The following TANGO6 variants were observed in gnomAD, a reference collection of about 807,000 sequenced individuals.
TANGO6 encodes the protein transport and golgi organization 6 homolog.
Under a neutral mutation model 114.2 loss-of-function variants are expected in TANGO6, and 90 were observed. The observed-to-expected ratio is 0.79, with a 90% confidence interval of 0.66 to 0.94. The LOEUF is 0.94. Among genes scored for constraint, TANGO6 ranks in the 40% least tolerant of loss-of-function variants. The pLI, the probability that TANGO6 is intolerant of heterozygous loss-of-function variation, is 0.00. For missense variants in TANGO6, 1,274 were observed against 1,315.3 expected (o/e 0.97, Z 0.49); for synonymous variants, 477 against 509.8 (o/e 0.94, Z 0.87).
At chr16:68,941,019 G>A (rs1963347790) in intron 14 of TANGO6, among the ~76,000 whole-genome samples, 1 of 152,084 alleles carries the variant, frequency 6.6e-6, no homozygotes, top group African/African-American at 2.4e-5. Flanking sequence ...TATAAGGCTG[G>A]GAACCCTTGA....
intron 12 of TANGO6, among the ~76,000 whole-genome samples, chr16:68,921,718 C>T (rs1009710304): frequency 3.3e-5 from 5 of 150,860 alleles, no homozygotes; most frequent in African/African-American, 4.9e-5. Flanking sequence ...TCTAGAAGCC[C>T]ATTGTTGGAG....
intron 12 of TANGO6, among the ~76,000 whole-genome samples, chr16:68,927,333 T>A (rs182339385): frequency 6.6e-6 from 1 of 152,110 alleles, no homozygotes; most frequent in East Asian, 1.9e-4. Context: ...GATATGAATG[T>A]GTGTGTGTGT....
chr16:68,950,227 T>C (rs574723728), intron 14 of TANGO6, among the ~76,000 whole-genome samples: 1 of 152,178 alleles, frequency 6.6e-6, no homozygotes, highest in Non-Finnish European at 1.5e-5. Flanking sequence ...TGGGGATTAT[T>C]GCACAGCCTG....
At chr16:69,027,661 T>C (rs1286990426) in intron 16 of TANGO6, among the ~76,000 whole-genome samples, 1 of 152,202 alleles carries the variant, frequency 6.6e-6, no homozygotes, top group Non-Finnish European at 1.5e-5. Context: ...GGTCAGATAC[T>C]GAAATGATTC....
chr16:69,078,837 G>A (rs972641596), intron 17 of TANGO6, among the ~76,000 whole-genome samples: 3 of 152,002 alleles, frequency 2.0e-5, no homozygotes, highest in African/African-American at 7.2e-5. Context: ...CAGCTCCTTG[G>A]TTCCAGTGAT....
At chr16:68,995,181 G>A (rs1245717568) in intron 15 of TANGO6, among the ~76,000 whole-genome samples, 2 of 152,114 alleles carry the variant, frequency 1.3e-5, no homozygotes, top group African/African-American at 2.4e-5. Context: ...TGTGGTCTGT[G>A]TGTGACTGGA....
At chr16:69,045,149 CTTG>C (rs1959831754) in intron 17 of TANGO6, among the ~76,000 whole-genome samples, 19 of 108,210 alleles carry the variant, frequency 1.8e-4, no homozygotes, top group East Asian at 7.0e-4. Context: ...GAGGGAGACT[CTTG>C]TCTCAAAAAA....
At chr16:69,078,783 G>T (rs1008671773) in intron 17 of TANGO6, among the ~76,000 whole-genome samples, 1 of 151,744 alleles carries the variant, frequency 6.6e-6, no homozygotes. Flanking sequence ...GCTCTGTCAC[G>T]CATGCTGGAG....
chr16:69,005,131 A>G (rs1247854401), intron 15 of TANGO6, among the ~76,000 whole-genome samples: 1 of 152,148 alleles, frequency 6.6e-6, no homozygotes, highest in Non-Finnish European at 1.5e-5. Flanking sequence ...TGGGGGCCAC[A>G]GTACAACATG....
intron 17 of TANGO6, among the ~76,000 whole-genome samples, chr16:69,057,703 C>T (rs1303557548): frequency 6.6e-6 from 1 of 152,134 alleles, no homozygotes; most frequent in African/African-American, 2.4e-5. Flanking sequence ...GGAAAAGAGG[C>T]CAGACCACAT....
At chr16:68,881,760 C>T (rs1216447455) in intron 7 of TANGO6, among the ~76,000 whole-genome samples, 1 of 152,240 alleles carries the variant, frequency 6.6e-6, no homozygotes, top group East Asian at 1.9e-4. Flanking sequence ...TCTTTATTAT[C>T]ACAGCCTTAT....
intron 14 of TANGO6, among the ~76,000 whole-genome samples, chr16:68,957,926 C>T (rs1963549905): frequency 1.3e-5 from 2 of 152,082 alleles, no homozygotes; most frequent in South Asian, 4.1e-4. Context: ...AATCCCAACA[C>T]TTTGATAGGC....
chr16:69,021,281 C>T (rs748258250), intron 15 of TANGO6, among the ~76,000 whole-genome samples: 1 of 152,104 alleles, frequency 6.6e-6, no homozygotes, highest in Admixed American at 6.6e-5. Flanking sequence ...TGCTCCTCTA[C>T]AGGTTTTTAC....
intron 7 of TANGO6, among the ~76,000 whole-genome samples, chr16:68,888,488 A>G (rs1272589268): frequency 6.6e-6 from 1 of 152,172 alleles, no homozygotes; most frequent in Non-Finnish European, 1.5e-5. Context: ...ACTTCACATT[A>G]CTTGCCTGAC....
At chr16:68,924,536 C>T (rs970637023) in intron 12 of TANGO6, among the ~76,000 whole-genome samples, 1 of 151,546 alleles carries the variant, frequency 6.6e-6, no homozygotes, top group Admixed American at 6.6e-5. Context: ...GCCTGTAATC[C>T]CAGCACTTTG....
intron 14 of TANGO6, among the ~76,000 whole-genome samples, chr16:68,971,167 G>T (rs1963701086): frequency 6.7e-6 from 1 of 149,144 alleles, no homozygotes; most frequent in Non-Finnish European, 1.5e-5. Context: ...AAAAAAAAAA[G>T]AAAGTTATGA....
chr16:69,015,238 G>A (rs1340120291), intron 15 of TANGO6, among the ~76,000 whole-genome samples: 2 of 152,126 alleles, frequency 1.3e-5, no homozygotes, highest in Admixed American at 6.6e-5. Flanking sequence ...GTCCAGTCTC[G>A]GAGAACGTGG....
rs373979832 is a variant in TANGO6, at chr16:68,882,210, A to G, written c.1377+1580A>G. On this transcript the variant is annotated intron_variant, in intron 7 of 17. Coordinates refer to ENST00000261778, the MANE Select transcript of TANGO6 (RefSeq NM_024562.2). ...ACCCAAGAGAAATGAAAACTTGTTC[A>G]TATAGGCCGGGCACGGTGGCTCACA... Among the ~76,000 whole-genome samples, 36 of 152,132 alleles carry G rather than the reference A, an allele frequency of 2.4e-4. No homozygotes were observed. In the East Asian group the frequency reaches 7.0e-3, roughly 29 times the overall value.
At chr16:68,869,108 C>T (rs1053269241) in intron 4 of TANGO6, among the ~76,000 whole-genome samples, 1 of 151,940 alleles carries the variant, frequency 6.6e-6, no homozygotes, top group African/African-American at 2.4e-5. Flanking sequence ...TTTTGTACAT[C>T]TGATTAGTTT....
Sources: allele counts gnomAD v4.1 joint callset (sites outside exome capture counted in the v4.1 genomes callset), GRCh38; gene constraint gnomAD v4.1.1; transcripts MANE v1.5; gene names NCBI Gene and HGNC (gene_info 2026-07-23, HGNC 2026-07-21).